Variants in COL1A2 observed in about 807,000 individuals in gnomAD.
COL1A2 encodes collagen alpha-2(I) chain.
A neutral mutation model predicts 174.3 loss-of-function variants in COL1A2; 49 were observed. That is an observed-to-expected ratio of 0.28 (90% CI 0.22 to 0.36). The LOEUF is 0.36. Among genes scored for constraint, COL1A2 ranks in the 10% least tolerant of loss-of-function variants. COL1A2 has a pLI of 1.00. For synonymous variants in COL1A2, 655 were observed against 606.6 expected (o/e 1.08, Z -1.17); for missense variants, 1,438 against 1,822.7 (o/e 0.79, Z 3.84).
chr7:94,420,338 C>A (rs559162499), intron 35 of COL1A2, 52 bp downstream of exon 35: 11 of 1,613,914 alleles, frequency 6.8e-6, no homozygotes, highest in Non-Finnish European at 9.3e-6. Context: ...AATGTTTAGA[C>A]ATTGATGAAC....
chr7:94,409,558 T>G lies in COL1A2; in HGVS notation c.892-6T>G, dbSNP rs372462971. On this transcript the variant is annotated splice_polypyrimidine_tract_variant and splice_region_variant and intron_variant, in intron 17 of 51. Transcript: ENST00000297268. ...TGATATCCTTCTCCTTTCCTTTTCC[T>G]CATAGGGTAATCCTGGAGCAAACGG... 6.2e-7 allele frequency: 1 copy of G among 1,614,202 alleles called. No individual in the cohort carries two copies.
At chr7:94,414,625 G>A (rs576842960) in intron 29 of COL1A2, among the ~76,000 whole-genome samples, 48 of 152,158 alleles carry the variant, frequency 3.2e-4, no homozygotes, top group African/African-American at 1.1e-3. Context: ...AATCAAACTA[G>A]ATCCCGAAAA....
At chr7:94,411,300 A>G (rs1791917919) in intron 23 of COL1A2, 146 bp downstream of exon 23, 2 of 712,990 alleles carry the variant, frequency 2.8e-6, no homozygotes, top group Non-Finnish European at 4.9e-6. Flanking sequence ...ACTTTATCAA[A>G]GCTCAGTAGA....
Position 94,408,831 on chromosome 7 carries a change from C to T in COL1A2, c.792+8C>T. 1 of 1,613,566 alleles carries T rather than the reference C, an allele frequency of 6.2e-7. No homozygotes were observed. Among genetic ancestry groups the T allele is most frequent in the Non-Finnish European group, 8.5e-7 (1 of 1,179,488 alleles). ...GGTGCCCCTGGCCCCAAGGTAAAAA[C>T]ACTGGTGACCATTGTCACTACTTTG... On this transcript the variant is annotated splice_region_variant and intron_variant, in intron 16 of 51. Transcript: ENST00000297268.
intron 4 of COL1A2, 31 bp from the exon 5 acceptor site, chr7:94,400,165 A>G: frequency 6.2e-7 from 1 of 1,606,322 alleles, no homozygotes; most frequent in Non-Finnish European, 8.5e-7. Context: ...GGGCCTGTCT[A>G]ACCTGACCTT....
intron 6 of COL1A2, among the ~76,000 whole-genome samples, chr7:94,403,758 G>A (rs1791737103): frequency 6.6e-6 from 1 of 152,144 alleles, no homozygotes; most frequent in Non-Finnish European, 1.5e-5. Flanking sequence ...AATATTTTCA[G>A]CATTATGAGG....
At position 94,420,547 on chromosome 7, in the gene COL1A2, G is replaced by A. The variant is rs1032427024; in HGVS notation, c.2194G>A (p.Ala732Thr). The change falls in exon 37 of 52, where the codon GCT becomes ACT. Residue 732 changes from alanine (A) to threonine (T), a missense_variant. Transcript: ENST00000297268. ...AACTGTTTATTTCCAACAGGGTGCT[G>A]CTGGTCAACCTGGTGCTAAAGGAGA... is the stretch of plus-strand genomic sequence containing the variant. ...PNGFAGPAGA[A>T]GQPGAKGERG... The A allele has an allele frequency of 2.5e-6, 4 of 1,613,922 alleles. No homozygotes were observed. Among genetic ancestry groups the A allele is most frequent in the Non-Finnish European group, 3.4e-6 (4 of 1,179,996 alleles).
In COL1A2 at chr7:94,425,825, C is replaced by G. The variant is rs1208022561; in HGVS notation, c.2911C>G (p.Pro971Ala). Residue 971 changes from proline (P) to alanine (A), a missense_variant, in exon 44 of 52, where the codon CCT (proline) becomes GCT (alanine). Pro to Ala is a conservative substitution (Grantham distance 27). Coordinates refer to ENST00000297268, the MANE Select transcript of COL1A2 (RefSeq NM_000089.4). ...GAPGPHGPVG[P>A]AGKHGNRGET... is the part of the protein sequence containing the mutation. ...ACCTGGTCCTCATGGCCCCGTGGGT[C>G]CTGCTGGCAAACATGGAAACCGTGG... 6.2e-7 allele frequency: 1 copy of G among 1,612,364 alleles called. No individual in the cohort carries two copies. The highest frequency in any genetic ancestry group is 8.5e-7 in the Non-Finnish European group (1 of 1,179,312).
In COL1A2 at chr7:94,421,382, C is replaced by T. The variant is rs189683774; in HGVS notation, c.2349+320C>T. 10 of 438,136 alleles carry T rather than the reference C, an allele frequency of 2.3e-5. No individual in the cohort carries two copies. The East Asian group carries it at 4.8e-4, about 21-fold the overall frequency. The allele number at this position is 438,136 out of a possible 1,614,324, so 27.1% of individuals were successfully genotyped here. On this transcript the variant is annotated intron_variant, in intron 38 of 51. Transcript: ENST00000297268. ...TGACCATGTCCTTCTCCTTTGCAGG[C>T]AATGCTATCACAACAATTCTCTAGA...
At position 94,412,677 on chromosome 7, in the gene COL1A2, C is replaced by A; in HGVS notation, c.1498C>A (p.Pro500Thr). 1 of 1,613,912 alleles carries A rather than the reference C, an allele frequency of 6.2e-7. No individual in the cohort carries two copies. The highest frequency in any genetic ancestry group is 8.5e-7 in the Non-Finnish European group (1 of 1,179,848). Residue 500 changes from proline (P) to threonine (T), a missense_variant, in exon 25 of 52, where the codon CCC (proline) becomes ACC (threonine). Transcript: ENST00000297268. Reference protein sequence around the residue: ...GNIGFPGPKGPTGDPGKNGDK... With the variant: ...GNIGFPGPKGTTGDPGKNGDK... ...CATTGGATTCCCTGGACCCAAAGGC[C>A]CCACTGTAAGAATCACCACAACTTT...
At chr7:94,417,950 T>C (rs1792076364) in intron 32 of COL1A2, 119 bp downstream of exon 32, 1 of 818,964 alleles carries the variant, frequency 1.2e-6, no homozygotes, top group East Asian at 2.7e-5. Flanking sequence ...TATCTATCTA[T>C]ATACATTTCC....
At position 94,409,732 on chromosome 7, in the gene COL1A2, G is replaced by A. The variant is rs72656392; in HGVS notation, c.946G>A (p.Gly316Ser). 5 of 1,613,918 alleles carry A rather than the reference G, an allele frequency of 3.1e-6. No homozygotes were observed. The highest frequency in any genetic ancestry group is 1.3e-5 in the African/African-American group (1 of 74,874). ...GCATTTTCCTTCACAGGGCCTTCCC[G>A]GCGTTGCTGGGGCTCCCGGCCTCCC... ...TGAKGAAGLP[G>S]VAGAPGLPGP... is the part of the protein sequence containing the mutation. The change falls in exon 19 of 52, where the codon GGC (glycine) becomes AGC (serine). Residue 316 changes from glycine (G) to serine (S), a missense_variant. Gly to Ser is a moderately conservative substitution (Grantham distance 56). Transcript: ENST00000297268.
Position 94,400,209 on chromosome 7 carries a change from C to T in COL1A2, c.146C>T (p.Pro49Leu), listed in dbSNP as rs764064979. The T allele has an allele frequency of 3.1e-6, 5 of 1,613,368 alleles. No homozygotes were observed. In the African/African-American group the frequency reaches 5.4e-5, roughly 17 times the overall value. ...GPRGERGPPG[P>L]PGRDGEDGPT... ...TTTACATAACAGGGTCCACCAGGCCCCCCAGGCAGAGATGGTGAAGATGGT... is the reference window on the plus strand; with the variant it reads ...TTTACATAACAGGGTCCACCAGGCCTCCCAGGCAGAGATGGTGAAGATGGT... The change falls in exon 5 of 52, where the codon CCC becomes CTC. Residue 49 changes from proline (P) to leucine (L), a missense_variant. Pro to Leu is a moderately conservative substitution (Grantham distance 98). Around this residue, in one of 3 missense-constraint regions of COL1A2, gnomAD observed 281 missense variants for 310.9 expected, o/e 0.90. Coordinates refer to ENST00000297268, the MANE Select transcript of COL1A2 (RefSeq NM_000089.4).
rs1269527884 is a variant in COL1A2 at position 94,405,841 on chromosome 7, C to CA, written c.540+118dup. On this transcript the variant is annotated intron_variant, in intron 11 of 51. Coordinates refer to ENST00000297268, the MANE Select transcript of COL1A2 (RefSeq NM_000089.4). ...TCACTTTCAAATCCCTGGAGTTTGC[C>CA]AAAGGGAAGAAAGAGTTAAAGAGTC... 3 of 920,092 alleles carry CA rather than the reference C, an allele frequency of 3.3e-6. No individual in the cohort carries two copies. The East Asian group carries it at 7.2e-5, about 22-fold the overall frequency. 57.0% of individuals were successfully genotyped at this position (920,092 alleles called of 1,614,324 possible).
In COL1A2 at chr7:94,400,220, G is replaced by A; in HGVS notation, c.157G>A (p.Asp53Asn). The change falls in exon 5 of 52, where the codon GAT (aspartate) becomes AAT (asparagine). Residue 53 changes from aspartate (D) to asparagine (N), a missense_variant. By Grantham distance (23) the Asp-to-Asn change is conservative (BLOSUM62 1). Coordinates refer to ENST00000297268, the MANE Select transcript of COL1A2 (RefSeq NM_000089.4). The part of the protein sequence containing the change: ...ERGPPGPPGR[D>N]GEDGPTGPPG... ...GGGTCCACCAGGCCCCCCAGGCAGA[G>A]ATGGTGAAGATGGTCCCACAGGCCC... is the stretch of plus-strand genomic sequence containing the variant. 1.9e-6 allele frequency: 3 copies of A among 1,613,278 alleles called. No individual in the cohort carries two copies. Among genetic ancestry groups the A allele is most frequent in the Non-Finnish European group, 1.7e-6 (2 of 1,179,950 alleles).
intron 26 of COL1A2, 29 bp from the exon 27 acceptor site, chr7:94,413,661 C>T (rs1401787878): frequency 1.2e-6 from 2 of 1,611,110 alleles, no homozygotes; most frequent in Admixed American, 1.7e-5. Flanking sequence ...TTGCAGCTAA[C>T]CATCAGCCTT....
At chr7:94,417,434 C>T in intron 31 of COL1A2, 1 of 429,922 alleles carries the variant, frequency 2.3e-6, no homozygotes. Context: ...TCTCTGCTTC[C>T]CATTGTCCTA....
intron 10 of COL1A2, 105 bp downstream of exon 10, chr7:94,405,357 A>G (rs1408605513): frequency 2.1e-5 from 23 of 1,114,656 alleles, no homozygotes; most frequent in South Asian, 1.9e-4. Flanking sequence ...ACCCAAACTC[A>G]TAACATGAAT....
chr7:94,405,817 C>T (rs540399645), intron 11 of COL1A2, 91 bp downstream of exon 11: 4 of 1,028,972 alleles, frequency 3.9e-6, no homozygotes, highest in Non-Finnish European at 6.2e-6. Flanking sequence ...GACATATACT[C>T]ACTTTCAAAT....
Sources: allele counts gnomAD v4.1 joint callset (sites outside exome capture counted in the v4.1 genomes callset), GRCh38; gene constraint gnomAD v4.1.1; regional missense constraint gnomAD v4.1.1; transcripts MANE v1.5; gene names NCBI Gene and HGNC (gene_info 2026-07-23, HGNC 2026-07-21).